The following CNTN5 variants were observed in gnomAD, a reference collection of about 807,000 sequenced individuals.
CNTN5 encodes the protein contactin-5.
A neutral mutation model predicts 129.1 loss-of-function variants in CNTN5; 77 were observed. The ratio of observed to expected loss-of-function variants is 0.60; its 90% CI spans 0.50 to 0.72. CNTN5 has a LOEUF of 0.72. Ranked by LOEUF, CNTN5 falls within the 30% of genes least tolerant of loss-of-function variation. CNTN5 has a pLI of 0.00. For synonymous variants in CNTN5, 509 were observed against 465.6 expected (o/e 1.09, Z -1.20); for missense variants, 1,478 against 1,328.8 (o/e 1.11, Z -1.75).
At chr11:99,482,586 T>C (rs1479932620) in intron 2 of CNTN5, among the ~76,000 whole-genome samples, 1 of 152,224 alleles carries the variant, frequency 6.6e-6, no homozygotes, top group East Asian at 1.9e-4. Flanking sequence ...CATTTACTTT[T>C]TAAATATTTA....
At chr11:99,690,827 A>T (rs79515068) in intron 3 of CNTN5, among the ~76,000 whole-genome samples, 3,742 of 151,640 alleles carry the variant, frequency 0.025, 144 homozygotes, top group African/African-American at 0.084. Context: ...TAGTTTCAGT[A>T]GAAATGATAA....
chr11:99,145,022 A>T (rs900634998), intron 1 of CNTN5, among the ~76,000 whole-genome samples: 1 of 152,122 alleles, frequency 6.6e-6, no homozygotes, highest in African/African-American at 2.4e-5. Flanking sequence ...CATCCAGCAT[A>T]ACAGTTATTT....
intron 2 of CNTN5, among the ~76,000 whole-genome samples, chr11:99,544,856 TG>T (rs949289978): frequency 1.1e-3 from 174 of 152,292 alleles, no homozygotes; most frequent in African/African-American, 4.0e-3. Flanking sequence ...GTCATTACTG[TG>T]TGGGGGAAAA....
At chr11:99,276,376 A>G (rs559569108) in intron 1 of CNTN5, among the ~76,000 whole-genome samples, 50 of 151,810 alleles carry the variant, frequency 3.3e-4, no homozygotes, top group African/African-American at 1.2e-3. Flanking sequence ...ACATTTAATA[A>G]TTAAATAATC....
chr11:99,864,510 T>A (rs539428560), intron 6 of CNTN5, among the ~76,000 whole-genome samples: 1 of 152,260 alleles, frequency 6.6e-6, no homozygotes, highest in East Asian at 1.9e-4. Context: ...AGCACTGTAG[T>A]CTTCCCTCGA....
chr11:100,030,048 T>G (rs923507449), intron 9 of CNTN5, among the ~76,000 whole-genome samples: 1 of 152,116 alleles, frequency 6.6e-6, no homozygotes, highest in African/African-American at 2.4e-5. Flanking sequence ...TGAACTGTAG[T>G]GTGGTTTCTT....
intron 8 of CNTN5, among the ~76,000 whole-genome samples, chr11:99,994,503 T>A (rs1939323146): frequency 6.6e-6 from 1 of 152,132 alleles, no homozygotes. Flanking sequence ...TATAGAAATA[T>A]TTTCCAAATT....
At chr11:99,588,341 C>T (rs796264734) in intron 3 of CNTN5, among the ~76,000 whole-genome samples, 1 of 52,376 alleles carries the variant, frequency 1.9e-5, no homozygotes, top group Non-Finnish European at 4.2e-5. Context: ...AAGACTCCTT[C>T]TCAAAAAAAA....
rs529935321 is a variant in CNTN5, at chr11:99,285,310, A to T, written c.-209-40036A>T. Among the ~76,000 whole-genome samples the T allele has an allele frequency of 2.0e-5, 3 of 152,320 alleles. No homozygotes were observed. The South Asian group carries it at 6.2e-4, about 32-fold the overall frequency. On this transcript the variant is annotated intron_variant, in intron 1 of 24. Transcript: ENST00000524871. The stretch of plus-strand genomic sequence containing the variant: ...ACTTCCTTTAGTGTTAAAAATCTCC[A>T]TTTAGAAGCAATTTTATTGAGTAAA...
intron 9 of CNTN5, among the ~76,000 whole-genome samples, chr11:100,009,327 A>T (rs181632074): frequency 1.3e-5 from 2 of 152,172 alleles, no homozygotes; most frequent in African/African-American, 2.4e-5. Context: ...TTTTAAAGTG[A>T]CCGTGACATG....
chr11:100,001,078 C>G (rs969981431), intron 8 of CNTN5, among the ~76,000 whole-genome samples: 2 of 152,186 alleles, frequency 1.3e-5, no homozygotes, highest in African/African-American at 2.4e-5. Flanking sequence ...TTCCCATTGT[C>G]TTCACTATTA....
intron 21 of CNTN5, among the ~76,000 whole-genome samples, chr11:100,321,455 A>G (rs949954246): frequency 2.6e-5 from 4 of 152,052 alleles, no homozygotes; most frequent in African/African-American, 9.7e-5. Context: ...GTTTTTTGGC[A>G]AAGTCATCAG....
intron 1 of CNTN5, among the ~76,000 whole-genome samples, chr11:99,043,550 G>A (rs1006501914): frequency 6.6e-6 from 1 of 152,160 alleles, no homozygotes; most frequent in Non-Finnish European, 1.5e-5. Flanking sequence ...TGCCATTAAT[G>A]AAAATAGACT....
At chr11:99,177,228 C>T (rs902063134) in intron 1 of CNTN5, among the ~76,000 whole-genome samples, 3 of 152,172 alleles carry the variant, frequency 2.0e-5, no homozygotes, top group Non-Finnish European at 2.9e-5. Context: ...CTTCTGGTCC[C>T]TTCCTTGCTT....
rs1942442967 is a variant in CNTN5, at chr11:100,042,549, A to G, written c.981-18663A>G. Among the ~76,000 whole-genome samples the G allele has an allele frequency of 3.3e-5, 5 of 152,318 alleles. No homozygotes were observed. The South Asian group carries it at 1.0e-3, about 32-fold the overall frequency. On this transcript the variant is annotated intron_variant, in intron 9 of 24. Coordinates refer to ENST00000524871, the MANE Select transcript of CNTN5 (RefSeq NM_014361.4). ...TTGGGGAGTACTTTCTTTTGAAATC[A>G]TTAAATCTTCACAGCTAAGTATTCC...
At chr11:99,715,782 C>G (rs1162775387) in intron 3 of CNTN5, among the ~76,000 whole-genome samples, 1 of 151,790 alleles carries the variant, frequency 6.6e-6, no homozygotes, top group Non-Finnish European at 1.5e-5. Context: ...GACTCATGAT[C>G]TCTTTATTCT....
At chr11:99,300,942 T>C (rs1262816839) in intron 1 of CNTN5, among the ~76,000 whole-genome samples, 2 of 151,846 alleles carry the variant, frequency 1.3e-5, no homozygotes, top group Non-Finnish European at 2.9e-5. Context: ...TTATAATATA[T>C]AAAAATATAA....
At chr11:99,912,359 G>A (rs952924249) in intron 6 of CNTN5, among the ~76,000 whole-genome samples, 1 of 151,884 alleles carries the variant, frequency 6.6e-6, no homozygotes, top group African/African-American at 2.4e-5. Flanking sequence ...TTGAGGATTT[G>A]GGCTTATATA....
chr11:99,621,416 T>C (rs542634915), intron 3 of CNTN5, among the ~76,000 whole-genome samples: 34 of 152,336 alleles, frequency 2.2e-4, no homozygotes, highest in South Asian at 8.3e-4. Flanking sequence ...CAAAAAAGGA[T>C]ATTTTTTCAT....
Sources: gnomAD v4.1 joint callset for allele counts (sites outside exome capture counted in the v4.1 genomes callset) on GRCh38, gnomAD v4.1.1 for gene constraint, MANE v1.5 for transcripts, NCBI Gene and HGNC (gene_info 2026-07-23, HGNC 2026-07-21) for gene names.